Variants in CUEDC1 observed in about 807,000 individuals in gnomAD.
CUEDC1 encodes CUE domain-containing protein 1.
Under a neutral mutation model 43.7 loss-of-function variants are expected in CUEDC1, and 30 were observed. The ratio of observed to expected loss-of-function variants is 0.69; its 90% CI spans 0.51 to 0.93. The LOEUF (loss-of-function observed/expected upper bound fraction) is 0.93. CUEDC1 is among the 40% of genes least tolerant of loss of function. The pLI is 0.00. For synonymous variants in CUEDC1, 223 were observed against 223.6 expected (o/e 1.00, Z 0.02); for missense variants, 486 against 549.0 (o/e 0.89, Z 1.15).
chr17:57,943,181 C>T (rs1203798160), intron 1 of CUEDC1, among the ~76,000 whole-genome samples: 3 of 152,136 alleles, frequency 2.0e-5, no homozygotes, highest in Non-Finnish European at 4.4e-5. Context: ...TGGCAGTGAC[C>T]GGAAGCTGGG....
chr17:57,872,920 A>C, intron 4 of CUEDC1, 65 bp from the exon 5 acceptor site: 6 of 1,462,272 alleles, frequency 4.1e-6, no homozygotes, highest in Non-Finnish European at 4.7e-6. Flanking sequence ...AAACGTCCAC[A>C]TCCCTCTGGT....
At chr17:57,865,391 G>C (rs1431582615) in intron 10 of CUEDC1, among the ~76,000 whole-genome samples, 1 of 152,160 alleles carries the variant, frequency 6.6e-6, no homozygotes, top group Admixed American at 6.5e-5. Context: ...GTATTTACTT[G>C]TTCCCGGTTT....
At chr17:57,929,051 G>T (rs1381107685) in intron 1 of CUEDC1, among the ~76,000 whole-genome samples, 1 of 152,060 alleles carries the variant, frequency 6.6e-6, no homozygotes, top group African/African-American at 2.4e-5. Flanking sequence ...CAGTTTTAAA[G>T]GCCACCGTCT....
chr17:57,884,714 C>G (rs1256834370), intron 2 of CUEDC1, among the ~76,000 whole-genome samples: 3 of 152,204 alleles, frequency 2.0e-5, no homozygotes, highest in Admixed American at 1.3e-4. Context: ...TTAGCCATCG[C>G]TTCCTCTGGG....
At chr17:57,926,637 T>C (rs938191318) in intron 1 of CUEDC1, among the ~76,000 whole-genome samples, 2 of 152,160 alleles carry the variant, frequency 1.3e-5, no homozygotes, top group Admixed American at 6.5e-5. Flanking sequence ...TATTTACAAA[T>C]TTTAAAATAA....
At chr17:57,883,579 C>T (rs1286903603) in intron 2 of CUEDC1, among the ~76,000 whole-genome samples, 4 of 152,048 alleles carry the variant, frequency 2.6e-5, no homozygotes, top group Admixed American at 2.6e-4. Flanking sequence ...CAAAATTAGC[C>T]GGTCATGATG....
At chr17:57,868,876 T>C (rs948772276) in intron 7 of CUEDC1, among the ~76,000 whole-genome samples, 11 of 152,196 alleles carry the variant, frequency 7.2e-5, no homozygotes, top group Non-Finnish European at 1.5e-4. Context: ...GGTGAGGGCA[T>C]GTGTGGCACG....
rs1296423634 is a variant in CUEDC1, at chr17:57,866,482, G to A, written c.1156C>T (p.Gln386Ter). 2 of 1,614,018 alleles carry A rather than the reference G, an allele frequency of 1.2e-6. No individual in the cohort carries two copies. Among genetic ancestry groups the A allele is most frequent in the East Asian group, 2.2e-5 (1 of 44,894 alleles). ...ATGGCTCCAGGCCTTACCTCTTACT[G>A]TCCTTCTCGCAGGCCTTCCTCCACC... ...PKVEEGLREG[Q>*] Residue 386 changes from glutamine (Q) to a stop codon, truncating the protein, a stop_gained, in exon 10 of 11, where the codon CAG becomes TAG. Coordinates refer to ENST00000577830, the MANE Select transcript of CUEDC1 (RefSeq NM_001271875.2). LOFTEE classifies it high-confidence loss of function.
intron 1 of CUEDC1, among the ~76,000 whole-genome samples, chr17:57,933,450 A>G (rs1481995218): frequency 1.3e-5 from 2 of 152,124 alleles, no homozygotes; most frequent in Non-Finnish European, 2.9e-5. Context: ...CAAGTTCATG[A>G]GCCCCCCTCC....
At chr17:57,871,892 T>C (rs1348108917) in intron 5 of CUEDC1, among the ~76,000 whole-genome samples, 1 of 152,172 alleles carries the variant, frequency 6.6e-6, no homozygotes, top group Non-Finnish European at 1.5e-5. Context: ...CCACTGCACT[T>C]CAGCCTGGGT....
chr17:57,910,979 G>T (rs569886452), intron 1 of CUEDC1, among the ~76,000 whole-genome samples: 1 of 152,038 alleles, frequency 6.6e-6, no homozygotes, highest in East Asian at 1.9e-4. Flanking sequence ...TCCTCTTGCC[G>T]TCTCCCTCCC....
chr17:57,933,166 C>T (rs913044294), intron 1 of CUEDC1, among the ~76,000 whole-genome samples: 4 of 151,726 alleles, frequency 2.6e-5, no homozygotes, highest in Admixed American at 1.3e-4. Context: ...TGGGCCCCAC[C>T]CAGCACTAGC....
In CUEDC1 at chr17:57,871,372, G is replaced by A. The variant is rs1267279734; in HGVS notation, c.785-3C>T. 6 of 1,613,266 alleles carry A rather than the reference G, an allele frequency of 3.7e-6. No individual in the cohort carries two copies. The highest frequency in any genetic ancestry group is 3.3e-5 in the South Asian group (3 of 91,046). On this transcript the variant is annotated splice_polypyrimidine_tract_variant and splice_region_variant and intron_variant, in intron 5 of 10. Coordinates refer to ENST00000577830, the MANE Select transcript of CUEDC1 (RefSeq NM_001271875.2). ...CTGGGATTCGTATTTCAATCGATCT[G>A]GAAAAGGACCACATTCACAGGTCAG...
intron 10 of CUEDC1, among the ~76,000 whole-genome samples, chr17:57,863,828 C>T (rs1328407476): frequency 1.3e-5 from 2 of 151,662 alleles, no homozygotes; most frequent in South Asian, 2.1e-4. Context: ...TGGTGAAACC[C>T]CGTCTCTACT....
At chr17:57,863,753 A>G (rs2073914739) in intron 10 of CUEDC1, among the ~76,000 whole-genome samples, 3 of 152,196 alleles carry the variant, frequency 2.0e-5, no homozygotes, top group Non-Finnish European at 4.4e-5. Context: ...TCACGCCTGT[A>G]ATCTCAGCAC....
At chr17:57,941,036 A>C (rs1454694508) in intron 1 of CUEDC1, among the ~76,000 whole-genome samples, 1 of 151,726 alleles carries the variant, frequency 6.6e-6, no homozygotes, top group Non-Finnish European at 1.5e-5. Context: ...TACCAACTCT[A>C]CTCCTGCCAG....
At chr17:57,926,464 G>A (rs1430152371) in intron 1 of CUEDC1, among the ~76,000 whole-genome samples, 1 of 151,878 alleles carries the variant, frequency 6.6e-6, no homozygotes, top group East Asian at 1.9e-4. Flanking sequence ...TTTACAGATC[G>A]GTGAGAAATG....
intron 8 of CUEDC1, among the ~76,000 whole-genome samples, 186 bp downstream of exon 8, chr17:57,867,964 T>C (rs1041147660): frequency 1.3e-5 from 2 of 152,108 alleles, no homozygotes; most frequent in Admixed American, 1.3e-4. Flanking sequence ...TGGTCCCTGG[T>C]TGGCAACGAG....
intron 1 of CUEDC1, among the ~76,000 whole-genome samples, chr17:57,920,607 ATTATCT>A (rs1032016156): frequency 4.8e-5 from 7 of 144,626 alleles, no homozygotes; most frequent in Non-Finnish European, 1.1e-4. Flanking sequence ...AAGGCTTTTT[ATTATCT>A]GAATTTTCTT....
Sources: gnomAD v4.1 joint callset for allele counts (sites outside exome capture counted in the v4.1 genomes callset) on GRCh38, gnomAD v4.1.1 for gene constraint, MANE v1.5 for transcripts, NCBI Gene and HGNC (gene_info 2026-07-23, HGNC 2026-07-21) for gene names.